The following SPINT2 variants were observed in gnomAD, a reference collection of about 807,000 sequenced individuals.
SPINT2 encodes kunitz-type protease inhibitor 2.
Under a neutral mutation model 30.1 loss-of-function variants are expected in SPINT2, and 18 were observed. That is an observed-to-expected ratio of 0.60 (90% CI 0.41 to 0.89). The LOEUF is 0.89. Among genes scored for constraint, SPINT2 ranks in the 40% least tolerant of loss-of-function variants. The pLI is 0.00. For missense variants in SPINT2, 276 were observed against 334.3 expected (o/e 0.83, Z 1.36); for synonymous variants, 139 against 137.9 (o/e 1.01, Z -0.05).
rs1222715977 is a variant in SPINT2, at chr19:38,290,725, G to A, written c.592+150G>A. On this transcript the variant is annotated intron_variant, in intron 6 of 6. Coordinates refer to ENST00000301244, the MANE Select transcript of SPINT2 (RefSeq NM_021102.4). This position sits in a 1 kb window ranked among gnomAD's most constrained non-coding sequence, Gnocchi z 4.3. ...TGTTTCTGCGTGAGAATGGCGAGGT[G>A]GTGGTTTGTCCCACCGTTCAGTGTA... The A allele has an allele frequency of 1.7e-6, 2 of 1,145,150 alleles. No individual in the cohort carries two copies. The highest frequency in any genetic ancestry group is 2.7e-5 in the South Asian group (2 of 74,626). The allele number at this position is 1,145,150 out of a possible 1,614,324, so 70.9% of individuals were successfully genotyped here.
At chr19:38,265,066 T>C in intron 1 of SPINT2, 68 bp downstream of exon 1, 1 of 999,400 alleles carries the variant, frequency 1.0e-6, no homozygotes, top group South Asian at 2.2e-5. Flanking sequence ...AACGGGGGTC[T>C]GAGCAGGGAG....
intron 2 of SPINT2, among the ~76,000 whole-genome samples, chr19:38,284,438 A>G (rs1295333434): frequency 6.6e-6 from 1 of 152,194 alleles, no homozygotes; most frequent in African/African-American, 2.4e-5. Context: ...GAATGTGGAT[A>G]CTTTCCTCTC....
At position 38,264,932 on chromosome 19, in the gene SPINT2, C is replaced by T. The variant is rs1386633374; in HGVS notation, c.40C>T (p.Leu14Phe). ...CGGGCTGAGGCGGAGCCGGGCGTTT[C>T]TCGCCCTGCTGGGATCGCTGCTCCT... The part of the protein sequence containing the change: ...LCGLRRSRAF[L>F]ALLGSLLLSG... Residue 14 changes from leucine to phenylalanine, a missense_variant, in exon 1 of 7, where the codon CTC (leucine) becomes TTC (phenylalanine). Coordinates refer to ENST00000301244, the MANE Select transcript of SPINT2 (RefSeq NM_021102.4). The T allele has an allele frequency of 1.3e-6, 2 of 1,536,372 alleles. No individual in the cohort carries two copies. The highest frequency in any genetic ancestry group is 2.4e-5 in the East Asian group (1 of 40,886).
At position 38,287,926 on chromosome 19, in the gene SPINT2, G is replaced by A. The variant is rs1319107030; in HGVS notation, c.328G>A (p.Val110Ile). Residue 110 changes from valine to isoleucine, a missense_variant, in exon 3 of 7, where the codon GTC becomes ATC. Physicochemically the swap from Val to Ile is conservative, Grantham distance 29. Transcript: ENST00000301244. ...ATSRNAADSS[V>I]PSAPRRQDSE... ...CAGCAGGAATGCAGCGGATTCCTCTGTCCCAAGTGGTAGGTTCTTAAAGAG... is the reference window on the plus strand; with the variant it reads ...CAGCAGGAATGCAGCGGATTCCTCTATCCCAAGTGGTAGGTTCTTAAAGAG... 1.2e-6 allele frequency: 2 copies of A among 1,614,040 alleles called. No homozygotes were observed. Among genetic ancestry groups the A allele is most frequent in the Non-Finnish European group, 1.7e-6 (2 of 1,180,020 alleles).
Position 38,290,474 on chromosome 19 carries a change from C to A in SPINT2, c.554-63C>A. On this transcript the variant is annotated intron_variant, in intron 5 of 6. Transcript: ENST00000301244. The surrounding 1 kb of genome is among the most constrained non-coding windows in gnomAD (Gnocchi z 4.3). The stretch of plus-strand genomic sequence containing the variant: ...CATGGAGGCCCTGGCTGAGGGGATC[C>A]CCTGCGGCAGCTCTGTGGAATGGGG... The A allele has an allele frequency of 6.2e-7, 1 of 1,613,286 alleles. No individual in the cohort carries two copies. The highest frequency in any genetic ancestry group is 1.3e-5 in the African/African-American group (1 of 75,054).
At chr19:38,269,400 C>CT (rs397859727) in intron 1 of SPINT2, among the ~76,000 whole-genome samples, 665 of 64,722 alleles carry the variant, frequency 0.01, 5 homozygotes, top group East Asian at 0.022. Context: ...TCTCCTGCAC[C>CT]TTTTTTTTTT....
At chr19:38,268,618 T>G (rs999661897) in intron 1 of SPINT2, among the ~76,000 whole-genome samples, 2 of 152,164 alleles carry the variant, frequency 1.3e-5, no homozygotes, top group African/African-American at 4.8e-5. Flanking sequence ...TTGCCTCATC[T>G]CAGCTACTGC....
At position 38,292,030 on chromosome 19, in the gene SPINT2, G is replaced by A. The variant is rs568141769; in HGVS notation, c.*24G>A. The A allele has an allele frequency of 3.2e-5, 52 of 1,613,130 alleles. 1 individual carries two copies. The South Asian group carries it at 5.5e-4, about 17-fold the overall frequency. On this transcript the variant is annotated 3_prime_UTR_variant, in exon 7 of 7. Coordinates refer to ENST00000301244, the MANE Select transcript of SPINT2 (RefSeq NM_021102.4). ...GACCGCCCTGTCGCCAAGAGGACTGGGGAAGGGAGGGGAGACTATGTGTGA... is the reference window on the plus strand; with the variant it reads ...GACCGCCCTGTCGCCAAGAGGACTGAGGAAGGGAGGGGAGACTATGTGTGA...
At chr19:38,285,316 G>A (rs1177857982) in intron 2 of SPINT2, among the ~76,000 whole-genome samples, 2 of 152,116 alleles carry the variant, frequency 1.3e-5, no homozygotes, top group African/African-American at 2.4e-5. Context: ...CCAGAGACCC[G>A]AGGGTTTGGC....
In SPINT2 at chr19:38,283,688, C is replaced by G. The variant is rs767551161; in HGVS notation, c.168C>G (p.Tyr56Ter). 1.2e-6 allele frequency: 2 copies of G among 1,614,108 alleles called. No homozygotes were observed. The highest frequency in any genetic ancestry group is 1.3e-5 in the African/African-American group (1 of 75,012). The change falls in exon 2 of 7, where the codon TAC becomes TAG. Residue 56 changes from tyrosine to a stop codon, truncating the protein, a stop_gained. Coordinates refer to ENST00000301244, the MANE Select transcript of SPINT2 (RefSeq NM_021102.4). LOFTEE classifies it high-confidence loss of function. ...GGGCCTCCATGCCTAGGTGGTGGTACAATGTCACTGACGGATCCTGCCAGC... is the reference window on the plus strand; with the variant it reads ...GGGCCTCCATGCCTAGGTGGTGGTAGAATGTCACTGACGGATCCTGCCAGC... ...RCRASMPRWW[Y>*]NVTDGSCQLF...
At chr19:38,289,507 A>AC (rs1264906598) in intron 4 of SPINT2, 3 of 241,106 alleles carry the variant, frequency 1.2e-5, no homozygotes, top group Non-Finnish European at 2.4e-5. Context: ...AAAAAAAAAA[A>AC]AAAAAACTCC....
At chr19:38,268,280 G>A (rs571139998) in intron 1 of SPINT2, among the ~76,000 whole-genome samples, 1 of 152,196 alleles carries the variant, frequency 6.6e-6, no homozygotes, top group Admixed American at 6.5e-5. Flanking sequence ...GACAGAGGTG[G>A]GGGGAAAGCT....
At position 38,286,880 on chromosome 19, in the gene SPINT2, G is replaced by C. The variant is rs575237572; in HGVS notation, c.278-996G>C. On this transcript the variant is annotated intron_variant, in intron 2 of 6. Coordinates refer to ENST00000301244, the MANE Select transcript of SPINT2 (RefSeq NM_021102.4). Reference sequence around the variant, plus strand: ...GATTAGGTCTTTTTATGTTGCCCAAGCTGGTCTCAAACTCCTGGCCTCAAG... The same window carrying C: ...GATTAGGTCTTTTTATGTTGCCCAACCTGGTCTCAAACTCCTGGCCTCAAG... Among the ~76,000 whole-genome samples, 6 of 152,288 alleles carry C rather than the reference G, an allele frequency of 3.9e-5. No individual in the cohort carries two copies. The South Asian group carries it at 1.2e-3, about 32-fold the overall frequency.
intron 2 of SPINT2, among the ~76,000 whole-genome samples, chr19:38,284,414 C>CA (rs1259262050): frequency 6.6e-6 from 1 of 152,182 alleles, no homozygotes; most frequent in Non-Finnish European, 1.5e-5. Context: ...TCTTTAGAGA[C>CA]AATTTATTAA....
At chr19:38,289,711 A>T in intron 4 of SPINT2, 2 of 293,632 alleles carry the variant, frequency 6.8e-6, no homozygotes, top group Non-Finnish European at 1.3e-5. Flanking sequence ...GCCTGTGGAG[A>T]TGTGCGTTAG....
chr19:38,266,307 C>T (rs1057204283), intron 1 of SPINT2, among the ~76,000 whole-genome samples: 2 of 151,318 alleles, frequency 1.3e-5, no homozygotes, highest in East Asian at 3.9e-4. Flanking sequence ...ACCCGGGAGG[C>T]GGATGTTGCA....
chr19:38,279,954 A>G (rs940274619), intron 1 of SPINT2, among the ~76,000 whole-genome samples: 3 of 152,184 alleles, frequency 2.0e-5, no homozygotes, highest in African/African-American at 7.2e-5. Context: ...ATGCCTGACC[A>G]TAAAGACATG....
chr19:38,287,974 C>A lies in SPINT2; in HGVS notation c.337+39C>A, dbSNP rs760290703. 14 of 1,599,882 alleles carry A rather than the reference C, an allele frequency of 8.8e-6. No homozygotes were observed. In the East Asian group the frequency reaches 3.1e-4, roughly 36 times the overall value. On this transcript the variant is annotated intron_variant, in intron 3 of 6. Coordinates refer to ENST00000301244, the MANE Select transcript of SPINT2 (RefSeq NM_021102.4). Reference sequence around the variant, plus strand: ...GAGACCCGCGATGGAGTGAGGCCACCGGATGGGTCATTGTGAAAGGACACT... The same window carrying A: ...GAGACCCGCGATGGAGTGAGGCCACAGGATGGGTCATTGTGAAAGGACACT...
Position 38,290,784 on chromosome 19 carries a change from C to T in SPINT2, c.592+209C>T, listed in dbSNP as rs1326083324. ...GGGCTGGAGTGAGTCAGTCACAAGGCAGGCCCTGCCCAGGCGGCGTGGGTG... is the reference window on the plus strand; with the variant it reads ...GGGCTGGAGTGAGTCAGTCACAAGGTAGGCCCTGCCCAGGCGGCGTGGGTG... On this transcript the variant is annotated intron_variant, in intron 6 of 6. Coordinates refer to ENST00000301244, the MANE Select transcript of SPINT2 (RefSeq NM_021102.4). This position sits in a 1 kb window ranked among gnomAD's most constrained non-coding sequence, Gnocchi z 4.3. 4.2e-6 allele frequency: 3 copies of T among 713,822 alleles called. No individual in the cohort carries two copies. The highest frequency in any genetic ancestry group is 5.5e-5 in the East Asian group (2 of 36,492). 44.2% of individuals were successfully genotyped at this position (713,822 alleles called of 1,614,324 possible).
Sources: allele counts gnomAD v4.1 joint callset (sites outside exome capture counted in the v4.1 genomes callset), GRCh38; gene constraint gnomAD v4.1.1; non-coding constraint Gnocchi (gnomAD v3.1); transcripts MANE v1.5; gene names NCBI Gene and HGNC (gene_info 2026-07-23, HGNC 2026-07-21).